The following AARS2 variants were observed in gnomAD, a reference collection of about 807,000 sequenced individuals.
AARS2 encodes alanyl-tRNA synthetase 2, mitochondrial.
Under a neutral mutation model 119.7 loss-of-function variants are expected in AARS2, and 78 were observed. The observed-to-expected ratio is 0.65, with a 90% CI of 0.54 to 0.79. AARS2 has a LOEUF of 0.79. Ranked by LOEUF, AARS2 falls within the 30% of genes least tolerant of loss-of-function variation. The probability of loss-of-function intolerance (pLI) is 0.00; values close to 1 mark genes in which losing one functional copy is unlikely to be tolerated. For synonymous variants in AARS2, 502 were observed against 526.3 expected (o/e 0.95, Z 0.63); for missense variants, 1,157 against 1,291.3 (o/e 0.90, Z 1.59).
At position 44,302,132 on chromosome 6, in the gene AARS2, C is replaced by A; in HGVS notation, c.2526G>T (p.Arg842=). The A allele has an allele frequency of 6.2e-7, 1 of 1,613,870 alleles. No individual in the cohort carries two copies. The change falls in exon 19 of 22, where the codon CGG becomes CGT. Residue 842 remains arginine, a synonymous_variant. Transcript: ENST00000244571. ...GCATCTTCACTGTGGCCAGCAGCTC[C>A]CGCCGCTGCCACTGGGGCATCACAG... ...ETAVMPQWQR[R]ELLATVKMLQ...
chr6:44,306,040 C>G (rs953795126), intron 9 of AARS2, among the ~76,000 whole-genome samples: 1 of 152,108 alleles, frequency 6.6e-6, no homozygotes, highest in Non-Finnish European at 1.5e-5. Context: ...AGTCTATGCA[C>G]GAAGCCAACC....
intron 15 of AARS2, 31 bp downstream of exon 15, chr6:44,303,255 G>C (rs371595713): frequency 6.2e-7 from 1 of 1,613,952 alleles, no homozygotes; most frequent in African/African-American, 1.3e-5. Flanking sequence ...GGAGGCCCCC[G>C]ATCTCCAGCA....
chr6:44,299,039 T>C lies in AARS2; in HGVS notation c.*1508A>G, dbSNP rs1303919945. On this transcript the variant is annotated 3_prime_UTR_variant, in exon 22 of 22. Coordinates refer to ENST00000244571, the MANE Select transcript of AARS2 (RefSeq NM_020745.4). Reference sequence around the variant, plus strand: ...TCTCCAGCCTCCTCACCTGCCCCTATCCCAGCTCACTGCTCAGTGGCACTG... The same window carrying C: ...TCTCCAGCCTCCTCACCTGCCCCTACCCCAGCTCACTGCTCAGTGGCACTG... Among the ~76,000 whole-genome samples the C allele has an allele frequency of 6.7e-6, 1 of 150,166 alleles. No individual in the cohort carries two copies. The highest frequency in any genetic ancestry group is 2.5e-5 in the African/African-American group (1 of 39,564).
chr6:44,299,347 A>G lies in AARS2; in HGVS notation c.*1200T>C, dbSNP rs1359821729. ...ACTGCGGCCTTGAATTCCTGGGCAA[A>G]GTGATTTTCCCACCTCAGCCTCCCA... On this transcript the variant is annotated 3_prime_UTR_variant, in exon 22 of 22. Transcript: ENST00000244571. Among the ~76,000 whole-genome samples, 1 of 151,876 alleles carries G rather than the reference A, an allele frequency of 6.6e-6. No homozygotes were observed. Among genetic ancestry groups the G allele is most frequent in the Non-Finnish European group, 1.5e-5 (1 of 67,986 alleles).
chr6:44,307,458 G>T lies in AARS2; in HGVS notation c.895-64C>A, dbSNP rs41282670. The T allele has an allele frequency of 0.038, 59,230 of 1,539,114 alleles. 1,407 individuals are homozygous for T. Among genetic ancestry groups the T allele is most frequent in the Non-Finnish European group, 0.044 (50,715 of 1,144,652 alleles). On this transcript the variant is annotated intron_variant, in intron 5 of 21. Transcript: ENST00000244571. This position sits in a 1 kb window ranked among gnomAD's most constrained non-coding sequence, Gnocchi z 4.4. ...CTGGCCCAGGTGGGTGCTCTTTATCGCCTCTAGAGCATCTGCCCTCAGCCC... is the reference window on the plus strand; with the variant it reads ...CTGGCCCAGGTGGGTGCTCTTTATCTCCTCTAGAGCATCTGCCCTCAGCCC...
chr6:44,310,570 G>A (rs560272554), intron 4 of AARS2, 127 bp from the exon 5 acceptor site: 2 of 1,261,456 alleles, frequency 1.6e-6, no homozygotes, highest in Admixed American at 1.9e-5. Context: ...CAGACAATCA[G>A]TATCTTCCCC....
In AARS2 at chr6:44,313,299, C is replaced by G. The variant is rs537231845; in HGVS notation, c.25G>C (p.Ala9Pro). Residue 9 changes from alanine (A) to proline (P), a missense_variant, in exon 1 of 22, where the codon GCC (alanine) becomes CCC (proline). Coordinates refer to ENST00000244571, the MANE Select transcript of AARS2 (RefSeq NM_020745.4). Reference protein sequence around the residue: MAASVAAAARRLRRAIRRS... With the variant: MAASVAAAPRRLRRAIRRS... The stretch of plus-strand genomic sequence containing the variant: ...CGAATGGCCCGCCGCAGCCTCCGGG[C>G]TGCAGCTGCCACTGACGCTGCCATC... 3.1e-6 allele frequency: 5 copies of G among 1,599,880 alleles called. No individual in the cohort carries two copies. The highest frequency in any genetic ancestry group is 1.1e-5 in the South Asian group (1 of 90,392).
In AARS2 at chr6:44,300,215, A is replaced by G. The variant is rs1785243500; in HGVS notation, c.*332T>C. On this transcript the variant is annotated 3_prime_UTR_variant, in exon 22 of 22. Coordinates refer to ENST00000244571, the MANE Select transcript of AARS2 (RefSeq NM_020745.4). ...AGGATGGTTTTGATCTCCTGACCTC[A>G]TGATCTACCTGCCTCGGCCTCCCAA... is the stretch of plus-strand genomic sequence containing the variant. The G allele has an allele frequency of 8.0e-6, 3 of 376,690 alleles. No homozygotes were observed. Among genetic ancestry groups the G allele is most frequent in the Admixed American group, 7.6e-5 (2 of 26,192 alleles). 23.3% of individuals were successfully genotyped at this position (376,690 alleles called of 1,614,324 possible). A position where few individuals can be genotyped will look rare whatever the true frequency, so the allele number is the denominator to read the frequency against.
In AARS2 at chr6:44,305,047, C is replaced by A. The variant is rs750085135; in HGVS notation, c.1579+7G>T. 6.2e-7 allele frequency: 1 copy of A among 1,614,120 alleles called. No homozygotes were observed. The highest frequency in any genetic ancestry group is 8.5e-7 in the Non-Finnish European group (1 of 1,180,026). On this transcript the variant is annotated splice_region_variant and intron_variant, in intron 11 of 21. Transcript: ENST00000244571. The surrounding 1 kb of genome is among the most constrained non-coding windows in gnomAD (Gnocchi z 4.6). ...TTGTGGCGGCAGGCCTTGGTCCAGG[C>A]TCTCACCATAACTTCCGCTGGGTCG... is the stretch of plus-strand genomic sequence containing the variant.
Position 44,307,060 on chromosome 6 carries a change from T to G in AARS2, c.1041-29A>C, listed in dbSNP as rs7740535. 1 of 1,612,656 alleles carries G rather than the reference T, an allele frequency of 6.2e-7. No homozygotes were observed. The highest frequency in any genetic ancestry group is 8.5e-7 in the Non-Finnish European group (1 of 1,178,926). On this transcript the variant is annotated intron_variant, in intron 6 of 21. Transcript: ENST00000244571. This position sits in a 1 kb window ranked among gnomAD's most constrained non-coding sequence, Gnocchi z 4.4. ...AAGGGGTTCAGAGCCCAGACATGAA[T>G]CCCCAGCGGCTCATGGTCAGCAATA... is the stretch of plus-strand genomic sequence containing the variant.
intron 5 of AARS2, among the ~76,000 whole-genome samples, chr6:44,309,075 C>T (rs937109900): frequency 2.0e-5 from 3 of 152,190 alleles, no homozygotes; most frequent in African/African-American, 7.2e-5. Context: ...GGACAGAATC[C>T]ATTTCTCCAT....
intron 19 of AARS2, among the ~76,000 whole-genome samples, chr6:44,301,834 G>A (rs1425940156): frequency 2.6e-5 from 4 of 152,180 alleles, no homozygotes; most frequent in East Asian, 1.9e-4. Flanking sequence ...GTAGGCTTCC[G>A]GGGGTTCTGA....
Position 44,305,034 on chromosome 6 carries a change from G to T in AARS2, c.1579+20C>A. 6.2e-7 allele frequency: 1 copy of T among 1,614,122 alleles called. No homozygotes were observed. The highest frequency in any genetic ancestry group is 8.5e-7 in the Non-Finnish European group (1 of 1,180,026). On this transcript the variant is annotated intron_variant, in intron 11 of 21. Transcript: ENST00000244571. The surrounding 1 kb of genome is among the most constrained non-coding windows in gnomAD (Gnocchi z 4.6). ...TGGTCAGGCAAGCTTGTGGCGGCAG[G>T]CCTTGGTCCAGGCTCTCACCATAAC...
At chr6:44,302,230 G>T (rs1051574260) in intron 18 of AARS2, 60 bp from the exon 19 acceptor site, 2 of 1,610,534 alleles carry the variant, frequency 1.2e-6, no homozygotes, top group African/African-American at 1.3e-5. Flanking sequence ...TCTGAGGTAG[G>T]GACCAGCAGG....
intron 19 of AARS2, among the ~76,000 whole-genome samples, chr6:44,301,744 C>G (rs1214394201): frequency 6.6e-6 from 1 of 152,176 alleles, no homozygotes; most frequent in African/African-American, 2.4e-5. Context: ...GGTCAGAGCA[C>G]AGATGGACCA....
rs753049833 is a variant in AARS2, at chr6:44,306,368, G to A, written c.1212C>T (p.Asp404=). Residue 404 remains aspartate (D), a synonymous_variant, in exon 9 of 22, where the codon GAC becomes GAT. Coordinates refer to ENST00000244571, the MANE Select transcript of AARS2 (RefSeq NM_020745.4). Reference sequence around the variant, plus strand: ...CCAGGGAGGCCAGGAAGGCTGCCTCGTCCTCTGACACCAGGTTGGCGATCT... The same window carrying A: ...CCAGGGAGGCCAGGAAGGCTGCCTCATCCTCTGACACCAGGTTGGCGATCT... ...SAQIANLVSE[D]EAAFLASLER... 3.0e-5 allele frequency: 48 copies of A among 1,613,904 alleles called. No individual in the cohort carries two copies. The highest frequency in any genetic ancestry group is 5.3e-5 in the African/African-American group (4 of 74,858).
chr6:44,300,755 C>G, intron 21 of AARS2, 44 bp from the exon 22 acceptor site: 2 of 1,600,906 alleles, frequency 1.2e-6, no homozygotes, highest in Non-Finnish European at 1.7e-6. Flanking sequence ...AGTGGCCCTC[C>G]CTGCCAGCAT....
At position 44,302,395 on chromosome 6, in the gene AARS2, A is replaced by G. The variant is rs561366620; in HGVS notation, c.2483T>C (p.Ile828Thr). The change falls in exon 18 of 22, where the codon ATT (isoleucine) becomes ACT (threonine). Residue 828 changes from isoleucine (I) to threonine (T), a missense_variant. Coordinates refer to ENST00000244571, the MANE Select transcript of AARS2 (RefSeq NM_020745.4). ...GGTGGTAGGCGTGGCCCTCACTTCA[A>G]TGAGTCGTCCTATGTCCTTGGACAG... ...LRLSKDIGRL[I>T]EAVETAVMPQ... is the part of the protein sequence containing the mutation. 33 of 1,614,038 alleles carry G rather than the reference A, an allele frequency of 2.0e-5. No individual in the cohort carries two copies. Among genetic ancestry groups the G allele is most frequent in the East Asian group, 1.1e-4 (5 of 44,874 alleles).
intron 5 of AARS2, among the ~76,000 whole-genome samples, chr6:44,308,950 T>C (rs958038473): frequency 1.3e-5 from 2 of 152,184 alleles, no homozygotes; most frequent in Admixed American, 6.5e-5. Context: ...ACTTTGGACT[T>C]TGAGGCCCAC....
Sources: allele counts gnomAD v4.1 joint callset (sites outside exome capture counted in the v4.1 genomes callset), GRCh38; gene constraint gnomAD v4.1.1; non-coding constraint Gnocchi (gnomAD v3.1); transcripts MANE v1.5; gene names NCBI Gene and HGNC (gene_info 2026-07-23, HGNC 2026-07-21).